The following MYO10 variants were observed in gnomAD, a reference collection of about 807,000 sequenced individuals.
The protein encoded by MYO10 is myosin X.
MYO10 carries 133 observed loss-of-function variants against 257.3 expected under a neutral mutation model. The ratio of observed to expected loss-of-function variants is 0.52; its 90% CI spans 0.45 to 0.60. MYO10 has a LOEUF of 0.60. Among genes scored for constraint, MYO10 ranks in the 20% least tolerant of loss-of-function variants. The pLI is 0.00. For missense variants in MYO10, 2,399 were observed against 2,635.7 expected, an observed-to-expected ratio of 0.91 and a Z score of 1.97; for synonymous variants, 1,104 against 1,028.6, an observed-to-expected ratio of 1.07 and a Z score of -1.40.
At chr5:16,747,038 G>T (rs1463171332) in intron 19 of MYO10, among the ~76,000 whole-genome samples, 8 of 152,178 alleles carry the variant, frequency 5.3e-5, no homozygotes, top group African/African-American at 1.4e-4. Context: ...ATACCCATTT[G>T]GAGATGGGGA....
Position 16,711,232 on chromosome 5 carries a change from A to T in MYO10, c.1943T>A (p.Phe648Tyr), listed in dbSNP as rs1204518710. ...KPNMQKMPDQ[F>Y]DQAVVLNQLR... ...CTGGTTCAGCACAACCGCCTGGTCA[A>T]ACTGGTCTGGCATCTAAACCATGCA... Residue 648 changes from phenylalanine to tyrosine, a missense_variant, in exon 20 of 41, where the codon TTT becomes TAT. By Grantham distance (22) the Phe-to-Tyr change is conservative. This residue lies in a region of MYO10 where 1,820 missense variants were observed against 1,939.4 expected (regional missense o/e 0.94). Coordinates refer to ENST00000513610, the MANE Select transcript of MYO10 (RefSeq NM_012334.3). 3.7e-6 allele frequency: 6 copies of T among 1,609,296 alleles called. No individual in the cohort carries two copies. Among genetic ancestry groups the T allele is most frequent in the African/African-American group, 1.4e-5 (1 of 73,966 alleles).
chr5:16,833,933 C>A (rs1447960066), intron 2 of MYO10, among the ~76,000 whole-genome samples: 1 of 152,140 alleles, frequency 6.6e-6, no homozygotes, highest in Non-Finnish European at 1.5e-5. Flanking sequence ...TCTGGCCATA[C>A]CCTGATTGGA....
intron 1 of MYO10, chr5:16,902,428 G>A: frequency 8.2e-7 from 1 of 1,220,362 alleles, no homozygotes; most frequent in Middle Eastern, 2.4e-4. Context: ...AGACAGTAAT[G>A]TAACTTCACA....
intron 1 of MYO10, among the ~76,000 whole-genome samples, chr5:16,929,659 G>C (rs1746242966): frequency 6.6e-6 from 1 of 152,202 alleles, no homozygotes; most frequent in African/African-American, 2.4e-5. Context: ...TAAATGTGAA[G>C]TGCCAGCAAC....
chr5:16,671,455 T>G lies in MYO10; in HGVS notation c.5397A>C (p.Lys1799Asn). 1 of 1,614,032 alleles carries G rather than the reference T, an allele frequency of 6.2e-7. No individual in the cohort carries two copies. ...YCFLDTDNVP[K>N]DSVEFAFMFE... Reference sequence around the variant, plus strand: ...ACATAAATGCAAACTCCACACTGTCTTTTGGCACGTTGTCTGTGTCCAGGA... The same window carrying G: ...ACATAAATGCAAACTCCACACTGTCGTTTGGCACGTTGTCTGTGTCCAGGA... Residue 1799 changes from lysine (K) to asparagine (N), a missense_variant, in exon 38 of 41, where the codon AAA becomes AAC. Lys to Asn is a moderately conservative substitution (Grantham distance 94). Coordinates refer to ENST00000513610, the MANE Select transcript of MYO10 (RefSeq NM_012334.3).
At chr5:16,874,347 G>T (rs1383913491) in intron 2 of MYO10, among the ~76,000 whole-genome samples, 492 of 43,432 alleles carry the variant, frequency 0.011, 23 homozygotes, top group African/African-American at 0.044. Context: ...AAAAAAGCGG[G>T]GGGGGGGGGG....
chr5:16,697,697 C>CG (rs568170747), intron 26 of MYO10, among the ~76,000 whole-genome samples: 2 of 133,672 alleles, frequency 1.5e-5, no homozygotes, highest in Non-Finnish European at 3.3e-5. Context: ...GATCCTGTCT[C>CG]AAAAAAAAAA....
chr5:16,919,854 T>C (rs1745931934), intron 1 of MYO10, among the ~76,000 whole-genome samples: 2 of 152,166 alleles, frequency 1.3e-5, no homozygotes, highest in Non-Finnish European at 2.9e-5. Flanking sequence ...GGCTCACACC[T>C]GTAATCCCAG....
At chr5:16,702,504 TA>T in intron 24 of MYO10, 38 bp downstream of exon 24, 1 of 1,562,010 alleles carries the variant, frequency 6.4e-7, no homozygotes, top group Non-Finnish European at 8.7e-7. Flanking sequence ...GGGAAGGAAG[TA>T]GAAACACAAG....
intron 1 of MYO10, among the ~76,000 whole-genome samples, chr5:16,917,903 T>A (rs1469425265): frequency 6.6e-6 from 1 of 152,088 alleles, no homozygotes; most frequent in Non-Finnish European, 1.5e-5. Context: ...AACCTATGTA[T>A]CCATCCCTTG....
At chr5:16,735,264 C>A (rs1342387952) in intron 19 of MYO10, among the ~76,000 whole-genome samples, 1 of 152,156 alleles carries the variant, frequency 6.6e-6, no homozygotes, top group Non-Finnish European at 1.5e-5. Flanking sequence ...ATGCTGTTAG[C>A]CCTGGAATAG....
At chr5:16,800,601 G>A (rs1316897641) in intron 3 of MYO10, among the ~76,000 whole-genome samples, 3 of 152,088 alleles carry the variant, frequency 2.0e-5, no homozygotes, top group Non-Finnish European at 2.9e-5. Flanking sequence ...CCATAAAAGC[G>A]ATGCCCACAG....
chr5:16,932,594 C>G (rs1432840978), intron 1 of MYO10, among the ~76,000 whole-genome samples: 1 of 152,064 alleles, frequency 6.6e-6, no homozygotes, highest in Middle Eastern at 3.2e-3. Context: ...ACAATTAACT[C>G]GAGGGGAGCC....
chr5:16,934,718 T>C (rs1746385711), intron 1 of MYO10, among the ~76,000 whole-genome samples: 1 of 152,248 alleles, frequency 6.6e-6, no homozygotes, highest in Non-Finnish European at 1.5e-5. Context: ...AATGCATTTA[T>C]CACTTTGGCC....
At chr5:16,788,573 CCT>C (rs1288281510) in intron 4 of MYO10, among the ~76,000 whole-genome samples, 1 of 151,960 alleles carries the variant, frequency 6.6e-6, no homozygotes, top group Admixed American at 6.6e-5. Context: ...ACATGCCACC[CCT>C]GAGACATCTC....
At chr5:16,916,652 C>T (rs955709232) in intron 1 of MYO10, 1 of 152,366 alleles carries the variant, frequency 6.6e-6, no homozygotes, top group Non-Finnish European at 1.5e-5. Flanking sequence ...AAAGTTTTGC[C>T]TGCTGATTCA....
At chr5:16,879,502 C>T (rs535653525) in intron 1 of MYO10, among the ~76,000 whole-genome samples, 5 of 152,250 alleles carry the variant, frequency 3.3e-5, no homozygotes, top group Admixed American at 1.3e-4. Context: ...GTCTCAATGA[C>T]ATTATATTGA....
At chr5:16,671,713 T>C (rs1055311063) in intron 37 of MYO10, among the ~76,000 whole-genome samples, 171 bp from the exon 38 acceptor site, 2 of 152,182 alleles carry the variant, frequency 1.3e-5, no homozygotes, top group African/African-American at 4.8e-5. Context: ...AAAAACGTAC[T>C]TTCATCCTGA....
At chr5:16,689,639 A>T (rs549841462) in intron 28 of MYO10, among the ~76,000 whole-genome samples, 185 bp downstream of exon 28, 1 of 151,606 alleles carries the variant, frequency 6.6e-6, no homozygotes, top group East Asian at 1.9e-4. Context: ...GTACTTGAAC[A>T]CATTTGCCCA....
Sources: allele counts gnomAD v4.1 joint callset (sites outside exome capture counted in the v4.1 genomes callset), GRCh38; gene constraint gnomAD v4.1.1; regional missense constraint gnomAD v4.1.1; transcripts MANE v1.5; gene names NCBI Gene and HGNC (gene_info 2026-07-23, HGNC 2026-07-21).